CFAP43: variants seen among roughly 807,000 people sequenced by gnomAD.
CFAP43 encodes cilia- and flagella-associated protein 43.
A neutral mutation model predicts 218.9 loss-of-function variants in CFAP43; 155 were observed. That is an observed-to-expected ratio of 0.71 (90% CI 0.62 to 0.81). The LOEUF (loss-of-function observed/expected upper bound fraction) is 0.81. Ranked by LOEUF, CFAP43 falls within the 30% of genes least tolerant of loss-of-function variation. The pLI, the probability that CFAP43 is intolerant of heterozygous loss-of-function variation, is 0.00. For missense variants in CFAP43, 1,778 were observed against 1,954.3 expected (o/e 0.91, Z 1.70); for synonymous variants, 645 against 681.3 (o/e 0.95, Z 0.83).
chr10:104,142,430 G>A (rs758362950), intron 32 of CFAP43, 37 bp from the exon 33 acceptor site: 2 of 1,534,810 alleles, frequency 1.3e-6, no homozygotes, highest in Non-Finnish European at 1.8e-6. Flanking sequence ...CAGAACATAT[G>A]GAGCTTCAAT....
intron 8 of CFAP43, among the ~76,000 whole-genome samples, chr10:104,200,678 A>G (rs1461079138): frequency 6.7e-6 from 1 of 149,504 alleles, no homozygotes; most frequent in African/African-American, 2.4e-5. Context: ...CTCAAAAAAA[A>G]AAAAAAAAAA....
chr10:104,218,100 G>C (rs1564810730), intron 3 of CFAP43, among the ~76,000 whole-genome samples: 1 of 152,084 alleles, frequency 6.6e-6, no homozygotes, highest in African/African-American at 2.4e-5. Flanking sequence ...TGTAATCCCA[G>C]CACTTTGGGA....
intron 27 of CFAP43, among the ~76,000 whole-genome samples, chr10:104,158,856 C>A (rs1012417584): frequency 1.3e-5 from 2 of 151,700 alleles, no homozygotes; most frequent in Non-Finnish European, 2.9e-5. Flanking sequence ...AAAAAGAGAA[C>A]AAATGTGGCA....
chr10:104,146,763 C>T (rs956206203), intron 29 of CFAP43, among the ~76,000 whole-genome samples: 3 of 152,166 alleles, frequency 2.0e-5, no homozygotes, highest in Non-Finnish European at 4.4e-5. Context: ...AACTAAACCA[C>T]AGCCTTTTTA....
chr10:104,139,288 C>T (rs572094870), intron 34 of CFAP43, among the ~76,000 whole-genome samples: 277 of 152,010 alleles, frequency 1.8e-3, no homozygotes, highest in South Asian at 4.4e-3. Flanking sequence ...AAAGAGAGAG[C>T]GAAAGGGGCA....
Position 104,197,957 on chromosome 10 carries a change from T to C in CFAP43, c.1177A>G (p.Ile393Val), listed in dbSNP as rs1455236491. The C allele has an allele frequency of 1.9e-6, 3 of 1,613,698 alleles. No homozygotes were observed. In the African/African-American group the frequency reaches 4.0e-5, roughly 22 times the overall value. ...LDACDGKFQA[I>V]DFITPGTQYF... ...TGGGTTCCAGGTGTGATAAAGTCAA[T>C]TGCCTGAAATTTCCCATCACAAGCA... is the stretch of plus-strand genomic sequence containing the variant. The change falls in exon 9 of 38, where the codon ATT (isoleucine) becomes GTT (valine). Residue 393 changes from isoleucine to valine, a missense_variant. Physicochemically the swap from Ile to Val is conservative, Grantham distance 29. This residue lies in a region of CFAP43 where 1,553 missense variants were observed against 1,685.2 expected (regional missense o/e 0.92). Transcript: ENST00000357060.
intron 27 of CFAP43, among the ~76,000 whole-genome samples, chr10:104,157,946 G>C (rs1035590541): frequency 1.3e-5 from 2 of 152,086 alleles, no homozygotes; most frequent in Non-Finnish European, 2.9e-5. Flanking sequence ...ACATCTTGCT[G>C]TGTTAGAAAC....
At chr10:104,212,411 A>G (rs1485605163) in intron 4 of CFAP43, among the ~76,000 whole-genome samples, 1 of 152,212 alleles carries the variant, frequency 6.6e-6, no homozygotes, top group Admixed American at 6.5e-5. Context: ...TGTAAATTTG[A>G]ATACTGGATG....
chr10:104,226,393 A>G (rs150426448), intron 2 of CFAP43, among the ~76,000 whole-genome samples: 1,768 of 152,330 alleles, frequency 0.012, 20 homozygotes, highest in South Asian at 0.033. Flanking sequence ...AGTCTAATCA[A>G]CAAAGAAAAA....
chr10:104,147,829 G>A, intron 29 of CFAP43, 62 bp downstream of exon 29: 1 of 1,198,688 alleles, frequency 8.3e-7, no homozygotes, highest in South Asian at 1.5e-5. Context: ...GTGAGCTCTT[G>A]CTAAATGAGG....
chr10:104,157,775 T>TGAGAGAGAGAGAGAGAGA lies in CFAP43; in HGVS notation c.3540+3244_3540+3261dup, dbSNP rs139314213. Reference sequence around the variant, plus strand: ...GTGTGTGTGTGTGTGTGTGTGTGTGTGAGAGAGAGAGAGAGAGAGAGAGAG... The same window carrying TGAGAGAGAGAGAGAGAGA: ...GTGTGTGTGTGTGTGTGTGTGTGTGTGAGAGAGAGAGAGAGAGAGAGAGAGAGAGAGAGAGAGAGAGAG... On this transcript the variant is annotated intron_variant, in intron 27 of 37. Transcript: ENST00000357060. 2.4e-4 allele frequency among the ~76,000 whole-genome samples: 22 copies of TGAGAGAGAGAGAGAGAGA among 90,158 alleles called. 1 individual carries two copies. Among genetic ancestry groups the TGAGAGAGAGAGAGAGAGA allele is most frequent in the East Asian group, 1.0e-3 (3 of 2,900 alleles). The allele number at this position is 90,158 out of a possible 152,430, so 59.1% of individuals were successfully genotyped here. A position where few individuals can be genotyped will look rare whatever the true frequency, so the allele number is the denominator to read the frequency against.
intron 31 of CFAP43, among the ~76,000 whole-genome samples, chr10:104,144,412 AG>A (rs2087857482): frequency 6.6e-6 from 1 of 152,210 alleles, no homozygotes; most frequent in Non-Finnish European, 1.5e-5. Flanking sequence ...ACACTTTGGG[AG>A]GTTGAGATGG....
intron 34 of CFAP43, among the ~76,000 whole-genome samples, chr10:104,136,720 A>G (rs1388170891): frequency 6.6e-6 from 1 of 152,190 alleles, no homozygotes; most frequent in Non-Finnish European, 1.5e-5. Context: ...AGGGGATAAA[A>G]TATTGGCAAA....
rs199647213 is a variant in CFAP43, at chr10:104,214,124, CGTATGTGTGT to C, written c.584+125_584+134del. ...AGATGTTATAACAAGATAAGCTGAA[CGTATGTGTGT>C]GTATGTGTGTGTATGCATATATATG... On this transcript the variant is annotated intron_variant, in intron 4 of 37. Transcript: ENST00000357060. The C allele has an allele frequency of 6.8e-3, 5,021 of 734,170 alleles. 94 individuals carry two copies. The highest frequency in any genetic ancestry group is 0.063 in the Admixed American group (1,944 of 31,056). 45.5% of individuals were successfully genotyped at this position (734,170 alleles called of 1,614,324 possible).
At chr10:104,153,891 A>C (rs750797263) in intron 27 of CFAP43, among the ~76,000 whole-genome samples, 1 of 149,244 alleles carries the variant, frequency 6.7e-6, no homozygotes, top group African/African-American at 2.5e-5. Flanking sequence ...AGGACAGGCC[A>C]CTTATTTTGT....
intron 17 of CFAP43, among the ~76,000 whole-genome samples, chr10:104,180,445 CTTTTTTTTTTT>C (rs34452460): frequency 2.4e-5 from 3 of 124,652 alleles, no homozygotes; most frequent in Non-Finnish European, 5.0e-5. Context: ...CACCCTATTT[CTTTTTTTTTTT>C]TTTTTTTGAG....
intron 12 of CFAP43, among the ~76,000 whole-genome samples, chr10:104,191,873 A>G (rs2090235753): frequency 6.6e-6 from 1 of 152,138 alleles, no homozygotes; most frequent in South Asian, 2.1e-4. Flanking sequence ...ATAAAATATT[A>G]AAAAATATTT....
chr10:104,228,510 T>G (rs954490354), intron 2 of CFAP43, among the ~76,000 whole-genome samples: 1 of 152,228 alleles, frequency 6.6e-6, no homozygotes, highest in East Asian at 1.9e-4. Context: ...TCATTCTCTA[T>G]GTTTTATTTT....
rs1190151874 is a variant in CFAP43 at position 104,130,232 on chromosome 10, A to G, written c.4905T>C (p.Asn1635=). 2 of 1,613,242 alleles carry G rather than the reference A, an allele frequency of 1.2e-6. No homozygotes were observed. The highest frequency in any genetic ancestry group is 2.7e-5 in the African/African-American group (2 of 74,914). ...ENMMQQQKLT[N]ISKQQAEQIS... ...TCTGTTCAGCTTGTTGTTTTGAAAT[A>G]TTTGTTAACTTCTGCTGTTGCATCA... Residue 1635 remains asparagine (N), a synonymous_variant, in exon 38 of 38, where the codon AAT becomes AAC. Transcript: ENST00000357060.
Sources: gnomAD v4.1 joint callset for allele counts (sites outside exome capture counted in the v4.1 genomes callset) on GRCh38, gnomAD v4.1.1 for gene constraint, gnomAD v4.1.1 regional missense constraint, MANE v1.5 for transcripts, NCBI Gene and HGNC (gene_info 2026-07-23, HGNC 2026-07-21) for gene names.